The following LRP4 variants were observed in gnomAD, a reference collection of about 807,000 sequenced individuals.
LRP4 encodes the protein low-density lipoprotein receptor-related protein 4.
Under a neutral mutation model 220.3 loss-of-function variants are expected in LRP4, and 95 were observed. The ratio of observed to expected loss-of-function variants is 0.43; its 90% CI spans 0.37 to 0.51. The LOEUF (loss-of-function observed/expected upper bound fraction) is 0.51. Ranked by LOEUF, LRP4 falls within the 20% of genes least tolerant of loss-of-function variation. LRP4 has a pLI of 0.00. For missense variants in LRP4, 1,925 were observed against 2,567.0 expected (o/e 0.75, Z 5.40); for synonymous variants, 903 against 954.6 (o/e 0.95, Z 1.00).
chr11:46,907,439 A>G (rs1415493058), intron 1 of LRP4, among the ~76,000 whole-genome samples: 3 of 152,238 alleles, frequency 2.0e-5, no homozygotes, highest in Admixed American at 1.3e-4. Flanking sequence ...CGGCTTTCAT[A>G]TAAAGCAAGC....
chr11:46,883,325 A>T (rs1941205719), intron 19 of LRP4, among the ~76,000 whole-genome samples: 1 of 152,194 alleles, frequency 6.6e-6, no homozygotes, highest in African/African-American at 2.4e-5. Context: ...TAACGCCCAC[A>T]CTGGAAGGTT....
At chr11:46,904,221 GAGA>G (rs1452212050) in intron 1 of LRP4, among the ~76,000 whole-genome samples, 2 of 152,176 alleles carry the variant, frequency 1.3e-5, no homozygotes, top group South Asian at 2.1e-4. Flanking sequence ...GGCTGAAACA[GAGA>G]AGGAGTCAGC....
In LRP4 at chr11:46,890,389, A is replaced by G. The variant is rs765000969; in HGVS notation, c.1803T>C (p.Asn601=). Residue 601 remains asparagine (N), a synonymous_variant, in exon 14 of 38, where the codon AAT becomes AAC. Coordinates refer to ENST00000378623, the MANE Select transcript of LRP4 (RefSeq NM_002334.4). The surrounding 1 kb of genome is among the most constrained non-coding windows in gnomAD (Gnocchi z 5.3). ...GCCCGGCATAGTCGATGGTGAGGCCATTGGGCCAGAAGAGATGGGTATCGG... is the reference window on the plus strand; with the variant it reads ...GCCCGGCATAGTCGATGGTGAGGCCGTTGGGCCAGAAGAGATGGGTATCGG... ...IIADTHLFWP[N]GLTIDYAGRR... 3 of 1,614,046 alleles carry G rather than the reference A, an allele frequency of 1.9e-6. No homozygotes were observed. The highest frequency in any genetic ancestry group is 2.7e-5 in the African/African-American group (2 of 74,928).
At chr11:46,911,098 A>C (rs572338519) in intron 1 of LRP4, among the ~76,000 whole-genome samples, 1 of 152,240 alleles carries the variant, frequency 6.6e-6, no homozygotes, top group Admixed American at 6.5e-5. Flanking sequence ...ATCAGGAGTA[A>C]TAACAGTATC....
chr11:46,898,095 G>T (rs138945672), intron 7 of LRP4, among the ~76,000 whole-genome samples: 1 of 146,940 alleles, frequency 6.8e-6, no homozygotes, highest in South Asian at 2.1e-4. Context: ...CTGACCGGGC[G>T]GGGGGCTGAC....
rs368640705 is a variant in LRP4 at position 46,898,595 on chromosome 11, G to A, written c.759C>T (p.Asp253=). Residue 253 remains aspartate, a synonymous_variant, in exon 7 of 38, where the codon GAC becomes GAT. Transcript: ENST00000378623. ...CATCAGACTGGTCATCACAGTCCGC[G>A]TCACCATCGCAGCGCCAGCCTGCAT... The part of the protein sequence containing the change: ...CINAGWRCDG[D]ADCDDQSDER... 14 of 1,614,022 alleles carry A rather than the reference G, an allele frequency of 8.7e-6. No individual in the cohort carries two copies. The East Asian group carries it at 1.6e-4, about 18-fold the overall frequency.
chr11:46,880,300 C>CAAA (rs34098785), intron 20 of LRP4, among the ~76,000 whole-genome samples: 1 of 84,312 alleles, frequency 1.2e-5, no homozygotes, highest in Admixed American at 1.3e-4. Flanking sequence ...ACTGCAGTCT[C>CAAA]AAAAAAAAAA....
At chr11:46,864,399 C>T (rs1940638462) in intron 36 of LRP4, 49 bp downstream of exon 36, 2 of 1,335,916 alleles carry the variant, frequency 1.5e-6, no homozygotes, top group East Asian at 2.3e-5. Context: ...CCCAGACATG[C>T]TCATGAAGAC....
At chr11:46,878,318 C>T (rs549525939) in intron 22 of LRP4, among the ~76,000 whole-genome samples, 3 of 122,722 alleles carry the variant, frequency 2.4e-5, no homozygotes, top group Admixed American at 1.0e-4. Flanking sequence ...CTCACTCTGT[C>T]ACCCAGGCTG....
chr11:46,905,920 C>T (rs1451118819), intron 1 of LRP4, among the ~76,000 whole-genome samples: 1 of 150,228 alleles, frequency 6.7e-6, no homozygotes, highest in Non-Finnish European at 1.5e-5. Context: ...TGGCCCAAAA[C>T]ATCAACAGAG....
chr11:46,890,127 A>G lies in LRP4; in HGVS notation c.1916-7T>C. ...GCGAAGGGATGCGGGAGGCCTGGGG[A>G]AAGTCCAGGAAGACCTCAGTCTGGA... On this transcript the variant is annotated splice_polypyrimidine_tract_variant and splice_region_variant and intron_variant, in intron 14 of 37. Coordinates refer to ENST00000378623, the MANE Select transcript of LRP4 (RefSeq NM_002334.4). This position sits in a 1 kb window ranked among gnomAD's most constrained non-coding sequence, Gnocchi z 5.3. The G allele has an allele frequency of 6.2e-7, 1 of 1,613,868 alleles. No homozygotes were observed. Among genetic ancestry groups the G allele is most frequent in the Non-Finnish European group, 8.5e-7 (1 of 1,179,898 alleles).
intron 20 of LRP4, among the ~76,000 whole-genome samples, chr11:46,879,787 A>G (rs1941108565): frequency 6.6e-6 from 1 of 152,208 alleles, no homozygotes; most frequent in Non-Finnish European, 1.5e-5. Context: ...ACAAGGAAAC[A>G]TTAGATAAAT....
intron 18 of LRP4, 37 bp downstream of exon 18, chr11:46,886,054 C>G: frequency 6.4e-7 from 1 of 1,562,358 alleles, no homozygotes; most frequent in Non-Finnish European, 8.8e-7. Flanking sequence ...AGAGGAATCC[C>G]AGGGAGCCAG....
In LRP4 at chr11:46,876,780, G is replaced by C; in HGVS notation, c.3328C>G (p.Leu1110Val). The C allele has an allele frequency of 6.2e-7, 1 of 1,614,150 alleles. No individual in the cohort carries two copies. The highest frequency in any genetic ancestry group is 8.5e-7 in the Non-Finnish European group (1 of 1,180,040). Residue 1110 changes from leucine (L) to valine (V), a missense_variant, in exon 24 of 38, where the codon CTG becomes GTG. By Grantham distance (32) the Leu-to-Val change is conservative (BLOSUM62 1). Coordinates refer to ENST00000378623, the MANE Select transcript of LRP4 (RefSeq NM_002334.4). ...ATGTCCTCATGCTGTGAGCCATCCA[G>C]ATTGGCACGACTGATCCTGTGCAGT... is the stretch of plus-strand genomic sequence containing the variant. Reference protein sequence around the residue: ...STLHRISRANLDGSQHEDIIT... With the variant: ...STLHRISRANVDGSQHEDIIT...
intron 34 of LRP4, among the ~76,000 whole-genome samples, chr11:46,866,464 T>C (rs1592513524): frequency 6.6e-6 from 1 of 152,030 alleles, no homozygotes; most frequent in East Asian, 1.9e-4. Context: ...AAAAAACTTT[T>C]TTGTAGAGAT....
chr11:46,869,201 C>G (rs759834871), intron 31 of LRP4, 69 bp from the exon 32 acceptor site: 39 of 1,481,088 alleles, frequency 2.6e-5, no homozygotes, highest in Non-Finnish European at 3.5e-5. Flanking sequence ...TGTACAGCTT[C>G]TGTGCCTCAC....
At chr11:46,874,733 C>T (rs1940963301) in intron 28 of LRP4, 67 bp downstream of exon 28, 1 of 1,444,116 alleles carries the variant, frequency 6.9e-7, no homozygotes, top group Non-Finnish European at 9.7e-7. Flanking sequence ...GTGGTCAGAA[C>T]ACAACCTCAC....
chr11:46,913,576 C>A (rs1941902342), intron 1 of LRP4, among the ~76,000 whole-genome samples: 1 of 152,132 alleles, frequency 6.6e-6, no homozygotes, highest in African/African-American at 2.4e-5. Context: ...GGGGCAATTA[C>A]TACCTTATGA....
rs1207619708 is a variant in LRP4 at position 46,898,638 on chromosome 11, T to C, written c.716A>G (p.Asp239Gly). 1.2e-6 allele frequency: 2 copies of C among 1,614,038 alleles called. No homozygotes were observed. Among genetic ancestry groups the C allele is most frequent in the East Asian group, 2.2e-5 (1 of 44,894 alleles). Residue 239 changes from aspartate (D) to glycine (G), a missense_variant, in exon 7 of 38, where the codon GAC becomes GGC. By Grantham distance (94) the Asp-to-Gly change is moderately conservative (BLOSUM62 -1). Transcript: ENST00000378623. The part of the protein sequence containing the change: ...QPCRSGEFMC[D>G]SGLCINAGWR... Reference sequence around the variant, plus strand: ...GCCTGCATTGATGCACAGGCCACTGTCACACATGAACTCCCCAGAGCGGCA... The same window carrying C: ...GCCTGCATTGATGCACAGGCCACTGCCACACATGAACTCCCCAGAGCGGCA...
Sources: gnomAD v4.1 joint callset for allele counts (sites outside exome capture counted in the v4.1 genomes callset) on GRCh38, gnomAD v4.1.1 for gene constraint, Gnocchi (gnomAD v3.1) non-coding constraint, MANE v1.5 for transcripts, NCBI Gene and HGNC (gene_info 2026-07-23, HGNC 2026-07-21) for gene names.